Variants in MYLK observed in about 807,000 individuals in gnomAD.
MYLK encodes myosin light chain kinase.
MYLK carries 106 observed loss-of-function variants against 203.4 expected under a neutral mutation model. The observed-to-expected ratio is 0.52, with a 90% CI of 0.45 to 0.61. The LOEUF (loss-of-function observed/expected upper bound fraction) is 0.61. MYLK is among the 20% of genes least tolerant of loss of function. The pLI is 0.00. For missense variants in MYLK, 2,072 were observed against 2,442.3 expected (o/e 0.85, Z 3.20); for synonymous variants, 867 against 959.5 (o/e 0.90, Z 1.78).
At chr3:123,667,019 G>C in intron 21 of MYLK, 118 bp downstream of exon 21, 1 of 863,296 alleles carries the variant, frequency 1.2e-6, no homozygotes, top group Non-Finnish European at 2.0e-6. Flanking sequence ...GGGTGGGGGT[G>C]GGGTTGCAGT....
intron 22 of MYLK, among the ~76,000 whole-genome samples, chr3:123,665,274 T>C (rs1331245189): frequency 6.6e-6 from 1 of 152,220 alleles, no homozygotes; most frequent in Non-Finnish European, 1.5e-5. Flanking sequence ...GATAACACTT[T>C]CATCAGGGCA....
In MYLK at chr3:123,679,323, C is replaced by A. The variant is rs78612536; in HGVS notation, c.3652+2901G>T. Among the ~76,000 whole-genome samples the A allele has an allele frequency of 1.8e-3, 254 of 141,374 alleles. 1 individual carries two copies. The highest frequency in any genetic ancestry group is 3.8e-3 in the Middle Eastern group (1 of 264). 92.7% of individuals were successfully genotyped at this position (141,374 alleles called of 152,430 possible). On this transcript the variant is annotated intron_variant, in intron 20 of 33. Coordinates refer to ENST00000360304, the MANE Select transcript of MYLK (RefSeq NM_053025.4). ...TCTGTCTCAAAAAAAAAAAAAAAAA[C>A]AAAACAAGACATCTCCTTCACTTCC...
chr3:123,618,545 C>T lies in MYLK; in HGVS notation c.5500+94G>A, dbSNP rs112248450. On this transcript the variant is annotated intron_variant, in intron 33 of 33. Transcript: ENST00000360304. The stretch of plus-strand genomic sequence containing the variant: ...GGCAGTTCCTCATTGTCCCCAGCTG[C>T]ACAGAACTGACTTCTTGCCCACGGT... 1,142 of 1,560,440 alleles carry T rather than the reference C, an allele frequency of 7.3e-4. 8 individuals are homozygous for T. The African/African-American group carries it at 0.013, about 18-fold the overall frequency.
intron 23 of MYLK, among the ~76,000 whole-genome samples, chr3:123,658,355 G>T (rs577162184): frequency 5.7e-4 from 87 of 152,296 alleles, no homozygotes; most frequent in Non-Finnish European, 1.1e-3. Flanking sequence ...TAGCAGTACT[G>T]CCAACTTCAA....
intron 4 of MYLK, among the ~76,000 whole-genome samples, chr3:123,753,705 T>C (rs2063277742): frequency 6.6e-6 from 1 of 152,150 alleles, no homozygotes; most frequent in Admixed American, 6.5e-5. Context: ...CAGAATTAAC[T>C]CATCTTTGGA....
chr3:123,614,985 GTT>G (rs141719639), intron 33 of MYLK, among the ~76,000 whole-genome samples: 1 of 146,660 alleles, frequency 6.8e-6, no homozygotes, highest in Non-Finnish European at 1.5e-5. Context: ...TTTTTAAAAA[GTT>G]TTTTTTTTGT....
intron 2 of MYLK, among the ~76,000 whole-genome samples, chr3:123,851,336 G>A (rs568995274): frequency 4.6e-5 from 7 of 152,180 alleles, no homozygotes; most frequent in African/African-American, 1.7e-4. Context: ...ACCTTGGGCA[G>A]TATGGCCAGT....
chr3:123,840,800 A>G (rs1439649290), intron 2 of MYLK, among the ~76,000 whole-genome samples: 2 of 152,068 alleles, frequency 1.3e-5, no homozygotes, highest in African/African-American at 4.8e-5. Context: ...ACAAAGAAAA[A>G]AACTACATAA....
chr3:123,702,342 G>T (rs1172895704), intron 16 of MYLK, among the ~76,000 whole-genome samples: 1 of 152,216 alleles, frequency 6.6e-6, no homozygotes, highest in African/African-American at 2.4e-5. Flanking sequence ...CGAGCCAGAG[G>T]TGACTAGTGA....
chr3:123,655,620 A>G (rs2059368089), intron 24 of MYLK, among the ~76,000 whole-genome samples: 1 of 152,200 alleles, frequency 6.6e-6, no homozygotes, highest in African/African-American at 2.4e-5. Context: ...CAAGTCAGGA[A>G]CCTGGAAGAC....
intron 4 of MYLK, among the ~76,000 whole-genome samples, chr3:123,758,726 C>T (rs1300474719): frequency 6.6e-6 from 1 of 152,196 alleles, no homozygotes; most frequent in African/African-American, 2.4e-5. Context: ...TCTAGACCAA[C>T]CTTATCAACA....
intron 13 of MYLK, among the ~76,000 whole-genome samples, chr3:123,713,406 C>T (rs2061773730): frequency 6.6e-6 from 1 of 152,120 alleles, no homozygotes; most frequent in South Asian, 2.1e-4. Context: ...CTTCTGATGA[C>T]AAGGCCGGGA....
chr3:123,751,577 A>C (rs1052200592), intron 5 of MYLK, among the ~76,000 whole-genome samples: 4 of 152,208 alleles, frequency 2.6e-5, no homozygotes, highest in Non-Finnish European at 5.9e-5. Context: ...GAGGATAAAA[A>C]CATTGTTCAT....
chr3:123,734,289 A>C, intron 9 of MYLK, 67 bp from the exon 10 acceptor site: 1 of 1,419,870 alleles, frequency 7.0e-7, no homozygotes. Flanking sequence ...TCATCTGGTT[A>C]CTCACAAATA....
intron 27 of MYLK, among the ~76,000 whole-genome samples, chr3:123,645,324 G>A (rs2058977126): frequency 6.6e-6 from 1 of 152,186 alleles, no homozygotes; most frequent in Non-Finnish European, 1.5e-5. Flanking sequence ...CCTACACTCG[G>A]AACTACTATT....
At chr3:123,868,266 G>A (rs111585952) in intron 2 of MYLK, among the ~76,000 whole-genome samples, 4 of 152,052 alleles carry the variant, frequency 2.6e-5, no homozygotes, top group African/African-American at 4.8e-5. Context: ...AAAGAGGATC[G>A]TATCTTTTGA....
intron 1 of MYLK, among the ~76,000 whole-genome samples, chr3:123,883,450 A>G (rs374164704): frequency 6.6e-6 from 1 of 152,214 alleles, no homozygotes; most frequent in Non-Finnish European, 1.5e-5. Context: ...ATCTAAAAAA[A>G]ATATATATCC....
chr3:123,815,765 T>A (rs1318026869), intron 3 of MYLK, among the ~76,000 whole-genome samples: 1 of 152,272 alleles, frequency 6.6e-6, no homozygotes, highest in Non-Finnish European at 1.5e-5. Context: ...TAAAAGGCTG[T>A]CCTCTAATCT....
chr3:123,788,048 A>AG (rs1157631870), intron 4 of MYLK, among the ~76,000 whole-genome samples: 1 of 152,146 alleles, frequency 6.6e-6, no homozygotes, highest in African/African-American at 2.4e-5. Context: ...ATTTCATGCA[A>AG]GGGGAACCAT....
Sources: allele counts gnomAD v4.1 joint callset (sites outside exome capture counted in the v4.1 genomes callset), GRCh38; gene constraint gnomAD v4.1.1; transcripts MANE v1.5; gene names NCBI Gene and HGNC (gene_info 2026-07-23, HGNC 2026-07-21).